The following CCDC171 variants were observed in gnomAD, a reference collection of about 807,000 sequenced individuals.
CCDC171 encodes the protein coiled-coil domain-containing protein 171.
CCDC171 carries 177 observed loss-of-function variants against 168.2 expected under a neutral mutation model. That is an observed-to-expected ratio of 1.05 (90% confidence interval 0.93 to 1.19). The LOEUF is 1.19. Among genes scored for constraint, CCDC171 ranks in the 50% most tolerant of loss-of-function variants. CCDC171 has a pLI of 0.00. For synonymous variants in CCDC171, 687 were observed against 540.8 expected (o/e 1.27, Z -3.75); for missense variants, 1,991 against 1,539.0 (o/e 1.29, Z -4.91).
intron 24 of CCDC171, among the ~76,000 whole-genome samples, chr9:15,902,685 G>T (rs1821877057): frequency 6.6e-6 from 1 of 152,216 alleles, no homozygotes; most frequent in Non-Finnish European, 1.5e-5. Context: ...GAAAGTGGGT[G>T]CAGGACAGTG....
chr9:16,076,277 A>G, the CCDC171 span, among the ~76,000 whole-genome samples: 1 of 152,172 alleles, frequency 6.6e-6, no homozygotes, highest in Non-Finnish European at 1.5e-5. Flanking sequence ...CAAGTGCAGA[A>G]CTAAGAGCTT....
Position 15,645,907 on chromosome 9 carries a change from A to G in CCDC171, c.823-11220A>G, listed in dbSNP as rs190983346. Among the ~76,000 whole-genome samples, 454 of 152,308 alleles carry G rather than the reference A, an allele frequency of 3.0e-3. 1 individual carries two copies. The highest frequency in any genetic ancestry group is 7.7e-3 in the Admixed American group (118 of 15,296). On this transcript the variant is annotated intron_variant, in intron 7 of 25. Transcript: ENST00000380701. ...AGGAAATACAGAGAACGCCACAAAG[A>G]TACTCCTCGAGAAGAGCAATTCCAA...
chr9:16,064,594 A>G (rs1006892124), downstream of CCDC171, among the ~76,000 whole-genome samples: 1 of 152,182 alleles, frequency 6.6e-6, no homozygotes, highest in Non-Finnish European at 1.5e-5. Flanking sequence ...GTCACTTGTC[A>G]TCACTTGGCT....
chr9:15,573,748 A>G (rs1443148643), intron 3 of CCDC171, among the ~76,000 whole-genome samples: 1 of 152,098 alleles, frequency 6.6e-6, no homozygotes, highest in Non-Finnish European at 1.5e-5. Context: ...GTGTGATGAT[A>G]ATCATTACTC....
rs754893904 is a variant in CCDC171, at chr9:15,604,094, G to GT, written c.675+9922_675+9923insT. Among the ~76,000 whole-genome samples the GT allele has an allele frequency of 3.0e-3, 304 of 101,630 alleles. 5 individuals carry two copies. The East Asian group carries it at 0.099, about 33-fold the overall frequency. The allele number at this position is 101,630 out of a possible 152,430, so 66.7% of individuals were successfully genotyped here. A position where few individuals can be genotyped will look rare whatever the true frequency, so the allele number is the denominator to read the frequency against. On this transcript the variant is annotated intron_variant, in intron 6 of 25. Coordinates refer to ENST00000380701, the MANE Select transcript of CCDC171 (RefSeq NM_173550.4). Reference sequence around the variant, plus strand: ...TTATGTCCTTTGCCCACTTTTTGATGGTTTTTTTTTTTCTTGTAGATTTGT... The same window carrying GT: ...TTATGTCCTTTGCCCACTTTTTGATGTGTTTTTTTTTTTCTTGTAGATTTGT...
At chr9:16,070,106 G>T in the CCDC171 span, among the ~76,000 whole-genome samples, 1 of 152,168 alleles carries the variant, frequency 6.6e-6, no homozygotes, top group African/African-American at 2.4e-5. Flanking sequence ...GAGCCGTGTA[G>T]CTTTAAACTC....
rs191860247 is a variant in CCDC171, at chr9:15,891,041, A to T, written c.3600+16378A>T. On this transcript the variant is annotated intron_variant, in intron 24 of 25. Transcript: ENST00000380701. ...AGGTATATTGAAAATTGTTCATATT[A>T]TATTTAAGTAAACCACAAACAAGTA... Among the ~76,000 whole-genome samples, 21 of 152,298 alleles carry T rather than the reference A, an allele frequency of 1.4e-4. No individual in the cohort carries two copies. In the East Asian group the frequency reaches 2.5e-3, roughly 18 times the overall value.
At chr9:15,773,092 G>A (rs1554806776) in intron 18 of CCDC171, among the ~76,000 whole-genome samples, 1 of 151,138 alleles carries the variant, frequency 6.6e-6, no homozygotes, top group East Asian at 1.9e-4. Context: ...ACCTTTTTTG[G>A]TTAAAGGAAT....
rs184907859 is a variant in CCDC171, at chr9:15,931,420, A to T, written c.3753+10998A>T. ...AACTGTCTATTCAGGTCTTTTGCCT[A>T]TTTTTAAATTGGGGTCTTTCTTTCT... On this transcript the variant is annotated intron_variant, in intron 25 of 25. Coordinates refer to ENST00000380701, the MANE Select transcript of CCDC171 (RefSeq NM_173550.4). Among the ~76,000 whole-genome samples the T allele has an allele frequency of 7.8e-3, 590 of 76,088 alleles. 1 individual carries two copies. Among genetic ancestry groups the T allele is most frequent in the Non-Finnish European group, 0.012 (408 of 33,948 alleles). 49.9% of individuals were successfully genotyped at this position (76,088 alleles called of 152,430 possible).
intron 3 of CCDC171, among the ~76,000 whole-genome samples, chr9:16,003,920 G>A (rs1049015519): frequency 2.0e-5 from 3 of 152,222 alleles, no homozygotes; most frequent in Admixed American, 1.3e-4. Context: ...GGTGAGGGCT[G>A]TGTGCAAACA....
chr9:15,978,646 T>G (rs192420151), downstream of CCDC171, among the ~76,000 whole-genome samples: 92 of 152,320 alleles, frequency 6.0e-4, no homozygotes, highest in African/African-American at 2.1e-3. Flanking sequence ...ACCCTTTGAC[T>G]AGATTTATCT....
chr9:15,888,312 G>T (rs1819703480), intron 24 of CCDC171, among the ~76,000 whole-genome samples: 1 of 151,664 alleles, frequency 6.6e-6, no homozygotes, highest in Non-Finnish European at 1.5e-5. Flanking sequence ...TTTGATTGAT[G>T]ACCTGTTAAA....
chr9:16,009,171 G>A (rs1302647053), intron 3 of CCDC171, among the ~76,000 whole-genome samples: 1 of 152,102 alleles, frequency 6.6e-6, no homozygotes, highest in Non-Finnish European at 1.5e-5. Flanking sequence ...AAAATGGAAT[G>A]GGTTTTACTT....
At chr9:16,051,905 C>T (rs1012538145) in intron 1 of CCDC171, among the ~76,000 whole-genome samples, 1 of 152,126 alleles carries the variant, frequency 6.6e-6, no homozygotes, top group Non-Finnish European at 1.5e-5. Context: ...TGGAGGAAGT[C>T]GAATGAGGAG....
intron 24 of CCDC171, among the ~76,000 whole-genome samples, chr9:15,902,264 A>G (rs867390097): frequency 3.4e-5 from 5 of 147,000 alleles, no homozygotes; most frequent in Non-Finnish European, 4.5e-5. Context: ...ATATATATGT[A>G]TATATATATA....
chr9:15,992,018 C>G (rs985180539), intron 3 of CCDC171, among the ~76,000 whole-genome samples: 1 of 152,198 alleles, frequency 6.6e-6, no homozygotes, highest in Admixed American at 6.5e-5. Flanking sequence ...GAGCTGGCTC[C>G]ATTCCTTCTG....
chr9:15,636,045 T>G (rs1449690559), intron 7 of CCDC171, among the ~76,000 whole-genome samples: 1 of 152,204 alleles, frequency 6.6e-6, no homozygotes, highest in African/African-American at 2.4e-5. Context: ...ATTGATGATG[T>G]TGAATATCAT....
At chr9:15,686,591 A>G (rs941670095) in intron 10 of CCDC171, among the ~76,000 whole-genome samples, 4 of 152,102 alleles carry the variant, frequency 2.6e-5, no homozygotes, top group African/African-American at 7.2e-5. Context: ...CATGCACCCA[A>G]TAAAAAAAAA....
At chr9:15,890,375 C>T (rs1035384302) in intron 24 of CCDC171, among the ~76,000 whole-genome samples, 1 of 152,068 alleles carries the variant, frequency 6.6e-6, no homozygotes, top group Non-Finnish European at 1.5e-5. Flanking sequence ...GTTTATGTGG[C>T]TACAAATTCC....
Sources: gnomAD v4.1 joint callset for allele counts (sites outside exome capture counted in the v4.1 genomes callset) on GRCh38, gnomAD v4.1.1 for gene constraint, MANE v1.5 for transcripts, NCBI Gene and HGNC (gene_info 2026-07-23, HGNC 2026-07-21) for gene names.